MAT2B: variants seen among roughly 807,000 people sequenced by gnomAD.
MAT2B encodes the protein methionine adenosyltransferase 2 subunit beta.
In MAT2B, 16 loss-of-function variants were observed where a neutral mutation model predicts 36.1. The observed-to-expected ratio is 0.44, with a 90% CI of 0.30 to 0.67. MAT2B has a LOEUF of 0.67. MAT2B is among the 30% of genes least tolerant of loss of function. MAT2B has a pLI of 0.09. For synonymous variants in MAT2B, 148 were observed against 136.9 expected, an observed-to-expected ratio of 1.08 and a Z score of -0.57; for missense variants, 332 against 398.2, an observed-to-expected ratio of 0.83 and a Z score of 1.42.
At chr5:163,512,644 T>C (rs1760063891) in intron 2 of MAT2B, 2 of 439,634 alleles carry the variant, frequency 4.5e-6, no homozygotes, top group Non-Finnish European at 9.0e-6. Flanking sequence ...TTTGTCCAAA[T>C]TGGGGGATAA....
Position 163,513,927 on chromosome 5 carries a change from A to C in MAT2B, c.459A>C (p.Pro153=). Residue 153 remains proline, a synonymous_variant, in exon 4 of 7, where the codon CCA becomes CCC. Transcript: ENST00000321757. Reference sequence around the variant, plus strand: ...CACCTTACAGAGAGGAAGACATACCAGCTCCCCTAAATTTGTATGGCAAAA... The same window carrying C: ...CACCTTACAGAGAGGAAGACATACCCGCTCCCCTAAATTTGTATGGCAAAA... ...TNPPYREEDI[P]APLNLYGKTK... 1 of 1,613,702 alleles carries C rather than the reference A, an allele frequency of 6.2e-7. No individual in the cohort carries two copies. Among genetic ancestry groups the C allele is most frequent in the Non-Finnish European group, 8.5e-7 (1 of 1,179,720 alleles).
intron 1 of MAT2B, 90 bp downstream of exon 1, chr5:163,505,839 C>G: frequency 9.5e-7 from 1 of 1,050,178 alleles, no homozygotes; most frequent in Non-Finnish European, 1.2e-6. Context: ...CAGGCGTATT[C>G]CGCCCGGGTC....
chr5:163,505,132 C>G (rs1479044592), upstream of MAT2B, among the ~76,000 whole-genome samples: 1 of 151,960 alleles, frequency 6.6e-6, no homozygotes, highest in African/African-American at 2.4e-5. Context: ...GACGCCAACC[C>G]TTTTATTTTT....
chr5:163,518,569 A>G lies in MAT2B; in HGVS notation c.*206A>G. The G allele has an allele frequency of 5.1e-6, 2 of 393,882 alleles. No homozygotes were observed. Among genetic ancestry groups the G allele is most frequent in the East Asian group, 4.1e-5 (1 of 24,254 alleles). The allele number at this position is 393,882 out of a possible 1,614,324, so 24.4% of individuals were successfully genotyped here. On this transcript the variant is annotated 3_prime_UTR_variant, in exon 7 of 7. Coordinates refer to ENST00000321757, the MANE Select transcript of MAT2B (RefSeq NM_013283.5). ...GTTTGCAGTAATTTTTCTTTTTATC[A>G]TTTTGTTTGTCCTGGCTAAACTTGG...
rs1760166239 is a variant in MAT2B, at chr5:163,518,327, C to T, written c.969C>T (p.Leu323=). Residue 323 remains leucine, a synonymous_variant, in exon 7 of 7, where the codon CTC becomes CTT. Coordinates refer to ENST00000321757, the MANE Select transcript of MAT2B (RefSeq NM_013283.5). The stretch of plus-strand genomic sequence containing the variant: ...TCAAAGAATCACTTTGGCCTTTCCT[C>T]ATTGACAAGAGATGGAGACAAACGG... ...IGIKESLWPF[L]IDKRWRQTVF... is the part of the protein sequence containing the mutation. The T allele has an allele frequency of 6.2e-7, 1 of 1,612,810 alleles. No homozygotes were observed. Among genetic ancestry groups the T allele is most frequent in the Non-Finnish European group, 8.5e-7 (1 of 1,179,492 alleles).
chr5:163,508,602 TTTTTTTTGG>T (rs1490899944), intron 1 of MAT2B, among the ~76,000 whole-genome samples: 19 of 151,846 alleles, frequency 1.3e-4, no homozygotes, highest in Non-Finnish European at 2.5e-4. Flanking sequence ...GTTAGTTTTC[TTTTTTTTGG>T]TTTTTTTGTT....
chr5:163,509,057 AC>A (rs1373211108), intron 1 of MAT2B, among the ~76,000 whole-genome samples: 1 of 152,126 alleles, frequency 6.6e-6, no homozygotes, highest in African/African-American at 2.4e-5. Flanking sequence ...TATACTTAAT[AC>A]TGCATCAACT....
At chr5:163,511,551 G>A (rs1005029400) in intron 1 of MAT2B, among the ~76,000 whole-genome samples, 2 of 150,346 alleles carry the variant, frequency 1.3e-5, no homozygotes, top group Admixed American at 6.7e-5. Flanking sequence ...GCAAAGTGCT[G>A]GGATTAAAGG....
At chr5:163,512,493 A>G (rs1488517917) in intron 2 of MAT2B, 9 of 437,064 alleles carry the variant, frequency 2.1e-5, no homozygotes, top group African/African-American at 4.0e-5. Context: ...ACCTCACAAC[A>G]CTGCAAAATA....
chr5:163,503,364 G>A (rs190145161), upstream of MAT2B: 20 of 1,611,498 alleles, frequency 1.2e-5, no homozygotes, highest in Non-Finnish European at 1.7e-5. Context: ...GACCCATCCC[G>A]TATCTGCTCT....
intron 1 of MAT2B, among the ~76,000 whole-genome samples, chr5:163,511,640 C>CT (rs1760046619): frequency 6.6e-6 from 1 of 151,678 alleles, no homozygotes; most frequent in Non-Finnish European, 1.5e-5. Context: ...ATTGTTCTAA[C>CT]TTTATTTATT....
At chr5:163,513,009 A>G (rs974498565) in intron 2 of MAT2B, 13 of 212,234 alleles carry the variant, frequency 6.1e-5, no homozygotes, top group South Asian at 5.8e-4. Context: ...ATTTTCAGAC[A>G]GGGTCTCACT....
chr5:163,509,603 G>T (rs1243342330), intron 1 of MAT2B, among the ~76,000 whole-genome samples: 1 of 152,124 alleles, frequency 6.6e-6, no homozygotes, highest in East Asian at 1.9e-4. Flanking sequence ...CTTTGCTTCC[G>T]TAGAGTGAAG....
intron 1 of MAT2B, among the ~76,000 whole-genome samples, chr5:163,508,221 C>G (rs953886327): frequency 6.6e-6 from 1 of 152,118 alleles, no homozygotes; most frequent in Non-Finnish European, 1.5e-5. Context: ...GAAATAATAT[C>G]TCTTCTAACA....
chr5:163,513,215 T>A (rs1414238885), intron 2 of MAT2B: 1 of 195,226 alleles, frequency 5.1e-6, no homozygotes, highest in East Asian at 1.3e-4. Flanking sequence ...TATCTTGAAC[T>A]CCTGGCCTCA....
intron 1 of MAT2B, among the ~76,000 whole-genome samples, chr5:163,506,266 T>C (rs1047018347): frequency 6.6e-6 from 1 of 152,194 alleles, no homozygotes; most frequent in African/African-American, 2.4e-5. Flanking sequence ...TATTGCCTCA[T>C]TTTGTAGACG....
At chr5:163,513,730 TAAGG>T in intron 3 of MAT2B, 61 bp downstream of exon 3, 2 of 1,530,100 alleles carry the variant, frequency 1.3e-6, no homozygotes, top group African/African-American at 2.8e-5. Flanking sequence ...TTTTAGAAAT[TAAGG>T]TTTTGTAGAT....
intron 4 of MAT2B, 27 bp downstream of exon 4, chr5:163,514,021 A>T: frequency 1.9e-6 from 3 of 1,573,752 alleles, no homozygotes; most frequent in Non-Finnish European, 2.6e-6. Context: ...TTAGCCCCTG[A>T]TTGTTTTTGA....
rs962317348 is a variant in MAT2B, at chr5:163,518,674, A to G, written c.*311A>G. On this transcript the variant is annotated 3_prime_UTR_variant, in exon 7 of 7. Transcript: ENST00000321757. ...GATCTGCTGTAGACTTTTCAGATGAAATTGTTCATTCTCGTAACCTCCATA... is the reference window on the plus strand; with the variant it reads ...GATCTGCTGTAGACTTTTCAGATGAGATTGTTCATTCTCGTAACCTCCATA... 2.2e-5 allele frequency: 4 copies of G among 185,780 alleles called. No individual in the cohort carries two copies. The highest frequency in any genetic ancestry group is 9.3e-5 in the African/African-American group (4 of 42,814). The allele number at this position is 185,780 out of a possible 1,614,324, so 11.5% of individuals were successfully genotyped here. A position where few individuals can be genotyped will look rare whatever the true frequency, so the allele number is the denominator to read the frequency against.
Sources: gnomAD v4.1 joint callset for allele counts (sites outside exome capture counted in the v4.1 genomes callset) on GRCh38, gnomAD v4.1.1 for gene constraint, MANE v1.5 for transcripts, NCBI Gene and HGNC (gene_info 2026-07-23, HGNC 2026-07-21) for gene names.